The following HTR1E variants were observed in gnomAD, a reference collection of about 807,000 sequenced individuals.
The protein encoded by HTR1E is 5-hydroxytryptamine receptor 1E, also known as 5-HT-1E.
HTR1E carries 3 observed loss-of-function variants against 3.4 expected under a neutral mutation model. The observed-to-expected ratio is 0.89, with a 90% CI of 0.41 to 2.31. The LOEUF is 2.31. HTR1E is among the 30% of genes most tolerant of loss of function. HTR1E has a pLI of 0.05. For synonymous variants in HTR1E, 170 were observed against 182.8 expected, an observed-to-expected ratio of 0.93 and a Z score of 0.56; for missense variants, 392 against 467.0, an observed-to-expected ratio of 0.84 and a Z score of 1.48.
At chr6:86,952,441 C>T (rs1767257987) in intron 1 of HTR1E, among the ~76,000 whole-genome samples, 1 of 151,972 alleles carries the variant, frequency 6.6e-6, no homozygotes, top group Non-Finnish European at 1.5e-5. Context: ...CTGTGTTGTA[C>T]AGACACCCCA....
chr6:86,971,039 G>T, intron 1 of HTR1E: 2 of 506,350 alleles, frequency 3.9e-6, no homozygotes, highest in South Asian at 1.5e-5. Context: ...TATACTGTTG[G>T]AAAACACTTC....
chr6:86,944,705 C>G (rs962552580), intron 1 of HTR1E, among the ~76,000 whole-genome samples: 1 of 152,164 alleles, frequency 6.6e-6, no homozygotes, highest in Non-Finnish European at 1.5e-5. Flanking sequence ...AATAGACAGC[C>G]ATGCAGCACA....
At chr6:86,994,110 G>A (rs775768503) in intron 1 of HTR1E, among the ~76,000 whole-genome samples, 4 of 152,046 alleles carry the variant, frequency 2.6e-5, no homozygotes, top group Non-Finnish European at 5.9e-5. Flanking sequence ...AAAATAAACA[G>A]AAGAAAATCA....
chr6:87,013,794 AG>A (rs1285079600), intron 1 of HTR1E, among the ~76,000 whole-genome samples: 1 of 152,184 alleles, frequency 6.6e-6, no homozygotes, highest in Non-Finnish European at 1.5e-5. Flanking sequence ...ACAAATTTAT[AG>A]GAAAAAAACA....
intron 1 of HTR1E, among the ~76,000 whole-genome samples, chr6:86,975,961 T>A (rs1767633200): frequency 6.6e-6 from 1 of 151,174 alleles, no homozygotes. Flanking sequence ...TCTCTCTCTC[T>A]CCCATTCCTT....
intron 1 of HTR1E, among the ~76,000 whole-genome samples, chr6:86,990,992 GT>G (rs1397195187): frequency 2.0e-5 from 3 of 152,198 alleles, no homozygotes; most frequent in Non-Finnish European, 4.4e-5. Flanking sequence ...GTAATGTCAA[GT>G]GAATATCATG....
chr6:86,945,060 C>A (rs533658020), intron 1 of HTR1E, among the ~76,000 whole-genome samples: 1 of 151,944 alleles, frequency 6.6e-6, no homozygotes, highest in Admixed American at 6.6e-5. Flanking sequence ...GTAAAACAGC[C>A]TCAGGCAGGT....
At chr6:86,983,894 G>A (rs1441043027) in intron 1 of HTR1E, among the ~76,000 whole-genome samples, 1 of 151,944 alleles carries the variant, frequency 6.6e-6, no homozygotes, top group East Asian at 1.9e-4. Flanking sequence ...ACTGAAGAAA[G>A]TCAAAGACCA....
At chr6:86,983,547 G>A (rs956365977) in intron 1 of HTR1E, among the ~76,000 whole-genome samples, 2 of 152,108 alleles carry the variant, frequency 1.3e-5, no homozygotes, top group Non-Finnish European at 2.9e-5. Flanking sequence ...ACGAGGGGTT[G>A]GTTAATGGGT....
intron 1 of HTR1E, among the ~76,000 whole-genome samples, chr6:86,939,090 C>T (rs1020396596): frequency 6.6e-6 from 1 of 152,182 alleles, no homozygotes; most frequent in Admixed American, 6.5e-5. Flanking sequence ...TTTTCTCTTT[C>T]TGGTACAGTT....
In HTR1E at chr6:87,016,129, C is replaced by A. The variant is rs747708032; in HGVS notation, c.795C>A (p.Ile265=). 3.1e-6 allele frequency: 5 copies of A among 1,613,774 alleles called. No individual in the cohort carries two copies. Among genetic ancestry groups the A allele is most frequent in the South Asian group, 1.1e-5 (1 of 91,064 alleles). ...AAAAGTTCCATGCCTCCATCAGGATCCCCCCCTTCGACAATGATCTAGATC... is the reference window on the plus strand; with the variant it reads ...AAAAGTTCCATGCCTCCATCAGGATACCCCCCTTCGACAATGATCTAGATC... ...EFEKFHASIR[I]PPFDNDLDHP... The change falls in exon 2 of 2, where the codon ATC becomes ATA. Residue 265 remains isoleucine (I), a synonymous_variant. Coordinates refer to ENST00000305344, the MANE Select transcript of HTR1E (RefSeq NM_000865.3).
chr6:86,973,326 GTGTGTC>G (rs143606788), intron 1 of HTR1E, among the ~76,000 whole-genome samples: 116 of 117,676 alleles, frequency 9.9e-4, no homozygotes, highest in Non-Finnish European at 1.8e-3. Context: ...GTGTGTGTGT[GTGTGTC>G]TGTGTGTGTG....
intron 1 of HTR1E, among the ~76,000 whole-genome samples, chr6:87,012,886 G>A (rs9344662): frequency 0.18 from 27,859 of 152,034 alleles, 3,279 homozygotes; most frequent in African/African-American, 0.32. Context: ...CAAGTGGCAG[G>A]GTCAGCATTC....
rs1768073954 is a variant in HTR1E, at chr6:87,004,467, T to A, written c.-185-10683T>A. On this transcript the variant is annotated intron_variant, in intron 1 of 1. Transcript: ENST00000305344. The stretch of plus-strand genomic sequence containing the variant: ...TATGCAAATCAATGAATAGGGTACA[T>A]TATGTCAACAGAATAAAGGACAAAA... 2.6e-5 allele frequency among the ~76,000 whole-genome samples: 4 copies of A among 152,160 alleles called. No homozygotes were observed. The South Asian group carries it at 8.3e-4, about 32-fold the overall frequency.
chr6:87,000,851 A>G (rs1768011831), intron 1 of HTR1E, among the ~76,000 whole-genome samples: 1 of 152,192 alleles, frequency 6.6e-6, no homozygotes, highest in African/African-American at 2.4e-5. Context: ...ACAATATTAT[A>G]ACCCTATAAT....
intron 1 of HTR1E, among the ~76,000 whole-genome samples, chr6:86,975,397 G>C (rs1767615776): frequency 6.6e-6 from 1 of 152,066 alleles, no homozygotes; most frequent in African/African-American, 2.4e-5. Context: ...ATTCCACTCA[G>C]GTCATGATTG....
At chr6:87,002,196 T>G (rs1402484704) in intron 1 of HTR1E, among the ~76,000 whole-genome samples, 2 of 152,156 alleles carry the variant, frequency 1.3e-5, no homozygotes, top group African/African-American at 2.4e-5. Context: ...TTACAGTTCT[T>G]AAAGATGGTG....
intron 1 of HTR1E, among the ~76,000 whole-genome samples, chr6:86,966,486 C>T (rs1168906902): frequency 6.6e-6 from 1 of 152,150 alleles, no homozygotes; most frequent in Non-Finnish European, 1.5e-5. Flanking sequence ...GAATCTTGGG[C>T]AATTGTGGGA....
chr6:86,952,502 C>G (rs1281911045), intron 1 of HTR1E, among the ~76,000 whole-genome samples: 3 of 151,272 alleles, frequency 2.0e-5, no homozygotes, highest in Non-Finnish European at 4.4e-5. Context: ...CACACAGACA[C>G]ACACACACAC....
Sources: allele counts gnomAD v4.1 joint callset (sites outside exome capture counted in the v4.1 genomes callset), GRCh38; gene constraint gnomAD v4.1.1; transcripts MANE v1.5; gene names NCBI Gene and HGNC (gene_info 2026-07-23, HGNC 2026-07-21).